Variants in XIRP2 observed in about 807,000 individuals in gnomAD.
The protein encoded by XIRP2 is xin actin binding repeat containing 2.
In XIRP2, 236 loss-of-function variants were observed where a neutral mutation model predicts 277.0. That is an observed-to-expected ratio of 0.85 (90% confidence interval 0.77 to 0.95). XIRP2 has a LOEUF of 0.95. XIRP2 is among the 40% of genes least tolerant of loss of function. XIRP2 has a pLI of 0.00. For synonymous variants in XIRP2, 1,490 were observed against 1,416.5 expected (o/e 1.05, Z -1.17); for missense variants, 4,640 against 4,157.5 (o/e 1.12, Z -3.19).
At chr2:167,029,395 T>C (rs971631748) in intron 2 of XIRP2, among the ~76,000 whole-genome samples, 1 of 152,148 alleles carries the variant, frequency 6.6e-6, no homozygotes, top group Non-Finnish European at 1.5e-5. Context: ...ACCTAGCTTA[T>C]TGAGAGTTTT....
intron 2 of XIRP2, among the ~76,000 whole-genome samples, chr2:167,077,826 A>G (rs960694117): frequency 2.0e-5 from 3 of 152,200 alleles, no homozygotes; most frequent in African/African-American, 7.2e-5. Context: ...AAACATAACC[A>G]GTTTTAGGGT....
At chr2:166,958,213 G>A (rs769246995) in intron 2 of XIRP2, among the ~76,000 whole-genome samples, 16 of 151,880 alleles carry the variant, frequency 1.1e-4, no homozygotes, top group Non-Finnish European at 1.8e-4. Context: ...GGGGCTAGGC[G>A]CATGCCCAAC....
intron 2 of XIRP2, among the ~76,000 whole-genome samples, chr2:167,007,701 TCTCACACACACA>T (rs1013884521): frequency 1.7e-5 from 2 of 115,180 alleles, no homozygotes; most frequent in African/African-American, 3.6e-5. Context: ...TCTCTCTCTC[TCTCACACACACA>T]CACACACACA....
At chr2:166,953,538 T>G (rs1686089892) in intron 2 of XIRP2, among the ~76,000 whole-genome samples, 1 of 151,930 alleles carries the variant, frequency 6.6e-6, no homozygotes, top group Non-Finnish European at 1.5e-5. Context: ...ATAGTTCAAT[T>G]CCATTTCAGT....
At chr2:167,125,789 A>T (rs1013177306) in intron 2 of XIRP2, among the ~76,000 whole-genome samples, 1 of 152,132 alleles carries the variant, frequency 6.6e-6, no homozygotes, top group African/African-American at 2.4e-5. Flanking sequence ...TGGTTATTTA[A>T]TGCAGTTTGT....
At chr2:167,039,593 TCA>T (rs891317485) in intron 2 of XIRP2, among the ~76,000 whole-genome samples, 2 of 151,728 alleles carry the variant, frequency 1.3e-5, no homozygotes, top group African/African-American at 2.4e-5. Flanking sequence ...ATACACAATC[TCA>T]CACACACACA....
Position 167,259,349 on chromosome 2 carries a change from A to G in XIRP2, c.*1532A>G, listed in dbSNP as rs770322673. On this transcript the variant is annotated 3_prime_UTR_variant, in exon 11 of 11. Transcript: ENST00000409195. The stretch of plus-strand genomic sequence containing the variant: ...GCAGATTAAAAGAAACAGGTGCTAC[A>G]GTGACACTGAGTAAAATATCTATGG... 15 of 1,603,628 alleles carry G rather than the reference A, an allele frequency of 9.4e-6. No individual in the cohort carries two copies. Among genetic ancestry groups the G allele is most frequent in the Non-Finnish European group, 1.3e-5 (15 of 1,176,098 alleles).
At chr2:166,905,086 C>A (rs1428264103) in intron 2 of XIRP2, among the ~76,000 whole-genome samples, 2 of 151,780 alleles carry the variant, frequency 1.3e-5, no homozygotes, top group Non-Finnish European at 1.5e-5. Flanking sequence ...TTTGCTGATC[C>A]CTGATTTGAA....
intron 2 of XIRP2, among the ~76,000 whole-genome samples, chr2:167,082,347 G>C (rs562940749): frequency 5.3e-5 from 8 of 152,050 alleles, no homozygotes; most frequent in Admixed American, 3.3e-4. Context: ...GTCTATCATT[G>C]TTGGGCATTT....
chr2:166,982,800 A>T (rs551662341), intron 2 of XIRP2, among the ~76,000 whole-genome samples: 2 of 152,158 alleles, frequency 1.3e-5, no homozygotes, highest in Non-Finnish European at 2.9e-5. Context: ...AAATTCCAAC[A>T]TCTGTATCAT....
At chr2:167,191,240 A>C (rs1693323897) in intron 3 of XIRP2, among the ~76,000 whole-genome samples, 1 of 151,884 alleles carries the variant, frequency 6.6e-6, no homozygotes, top group Non-Finnish European at 1.5e-5. Flanking sequence ...AGAAAAGAAA[A>C]GACATTGCTA....
At chr2:167,240,804 G>A (rs1444085555) in intron 7 of XIRP2, 68 bp downstream of exon 7, 1 of 1,386,308 alleles carries the variant, frequency 7.2e-7, no homozygotes. Context: ...TTGAATGGAT[G>A]ACTTCCAAAG....
In XIRP2 at chr2:167,249,780, G is replaced by A. The variant is rs1417617229; in HGVS notation, c.8388G>A (p.Lys2796=). 1.2e-6 allele frequency: 2 copies of A among 1,613,264 alleles called. No homozygotes were observed. Among genetic ancestry groups the A allele is most frequent in the Middle Eastern group, 1.6e-4 (1 of 6,078 alleles). ...CCATACAGAAGAACCAGGAAGATAA[G>A]CTCAAGATGGTTCCCAGGAAGCAAA... ...TESIQKNQED[K]LKMVPRKQRE... The change falls in exon 9 of 11, where the codon AAG becomes AAA. Residue 2796 remains lysine, a synonymous_variant. Coordinates refer to ENST00000409195, the MANE Select transcript of XIRP2 (RefSeq NM_152381.6).
intron 3 of XIRP2, among the ~76,000 whole-genome samples, chr2:167,179,474 C>T (rs192405987): frequency 1.3e-5 from 2 of 151,884 alleles, no homozygotes; most frequent in East Asian, 1.9e-4. Context: ...GGGTGCACCA[C>T]CACACCTGGC....
At chr2:167,240,009 T>A in intron 6 of XIRP2, 44 bp downstream of exon 6, 3 of 1,501,030 alleles carry the variant, frequency 2.0e-6, no homozygotes, top group Non-Finnish European at 2.7e-6. Context: ...TTTCCAGGAC[T>A]GTATGGAAAT....
chr2:167,133,440 G>C (rs1272059181), intron 2 of XIRP2, among the ~76,000 whole-genome samples: 3 of 152,110 alleles, frequency 2.0e-5, no homozygotes, highest in African/African-American at 7.2e-5. Flanking sequence ...CATGTAGATT[G>C]TTCCTTACTG....
At chr2:167,234,208 T>G (rs1388978727) in intron 5 of XIRP2, among the ~76,000 whole-genome samples, 1 of 151,524 alleles carries the variant, frequency 6.6e-6, no homozygotes, top group Admixed American at 6.6e-5. Context: ...GATTCTTTGC[T>G]CTTTCTAGCT....
chr2:166,899,524 C>A (rs777121194), intron 1 of XIRP2, among the ~76,000 whole-genome samples: 20 of 152,146 alleles, frequency 1.3e-4, no homozygotes, highest in Non-Finnish European at 2.4e-4. Context: ...TTCAAGAATA[C>A]CCCCTAGCCA....
chr2:167,217,315 T>G (rs189400754), intron 4 of XIRP2, among the ~76,000 whole-genome samples: 77 of 152,112 alleles, frequency 5.1e-4, no homozygotes, highest in Middle Eastern at 3.4e-3. Flanking sequence ...ATTAGTTTTC[T>G]CATTGGTGAA....
Sources: gnomAD v4.1 joint callset for allele counts (sites outside exome capture counted in the v4.1 genomes callset) on GRCh38, gnomAD v4.1.1 for gene constraint, MANE v1.5 for transcripts, NCBI Gene and HGNC (gene_info 2026-07-23, HGNC 2026-07-21) for gene names.